The following TOX2 variants were observed in gnomAD, a reference collection of about 807,000 sequenced individuals.
TOX2 encodes the protein granulosa cell HMG box 1.
Under a neutral mutation model 47.4 loss-of-function variants are expected in TOX2, and 15 were observed. The observed-to-expected ratio is 0.32, with a 90% CI of 0.21 to 0.49. The LOEUF (loss-of-function observed/expected upper bound fraction) is 0.49, where lower values mean the gene tolerates loss of function less well. Among genes scored for constraint, TOX2 ranks in the 20% least tolerant of loss-of-function variants. TOX2 has a pLI of 0.99. For synonymous variants in TOX2, 290 were observed against 296.6 expected (o/e 0.98, Z 0.23); for missense variants, 622 against 673.1 (o/e 0.92, Z 0.84).
At chr20:43,959,647 T>TATC (rs1406087728) in intron 1 of TOX2, among the ~76,000 whole-genome samples, 5 of 152,154 alleles carry the variant, frequency 3.3e-5, no homozygotes, top group Non-Finnish European at 7.4e-5. Context: ...GGGGAGAAAA[T>TATC]ATCTTCCACA....
chr20:44,047,993 T>G (rs1600781105), intron 3 of TOX2, among the ~76,000 whole-genome samples: 1 of 151,548 alleles, frequency 6.6e-6, no homozygotes, highest in African/African-American at 2.4e-5. Flanking sequence ...CTGAGACGGG[T>G]GGATCACTTG....
At position 43,967,004 on chromosome 20, in the gene TOX2, G is replaced by A. The variant is rs114509162; in HGVS notation, c.100-6363G>A. ...TTGTGGTGCCTGTGTGTGCCCCTAC[G>A]CTGTGCATACCACATGCACTGTATA... is the stretch of plus-strand genomic sequence containing the variant. On this transcript the variant is annotated intron_variant, in intron 1 of 8. Transcript: ENST00000341197. Among the ~76,000 whole-genome samples the A allele has an allele frequency of 2.2e-3, 334 of 152,220 alleles. 3 individuals carry two copies. Among genetic ancestry groups the A allele is most frequent in the African/African-American group, 7.6e-3 (317 of 41,532 alleles).
chr20:44,066,826 C>G lies in TOX2; in HGVS notation c.1453C>G (p.Pro485Ala), dbSNP rs2071831541. Residue 485 changes from proline (P) to alanine (A), a missense_variant, in exon 8 of 9, where the codon CCC becomes GCC. By Grantham distance (27) the Pro-to-Ala change is conservative. Around this residue, in one of 3 missense-constraint regions of TOX2, gnomAD observed 294 missense variants for 300.0 expected, o/e 0.98. Coordinates refer to ENST00000341197, the MANE Select transcript of TOX2 (RefSeq NM_001098797.2). ...TSSGDWDSSYPSGECGISTCS... is the reference protein window; with the variant it reads ...TSSGDWDSSYASGECGISTCS... ...CAGCGGGGACTGGGACAGCAGCTAC[C>G]CCAGTGGGGAGTGTGGCATCAGCAC... 3.1e-6 allele frequency: 5 copies of G among 1,614,132 alleles called. No homozygotes were observed. The highest frequency in any genetic ancestry group is 1.3e-5 in the African/African-American group (1 of 75,050).
intron 3 of TOX2, among the ~76,000 whole-genome samples, chr20:44,032,188 G>T (rs2071165560): frequency 6.6e-6 from 1 of 152,104 alleles, no homozygotes; most frequent in South Asian, 2.1e-4. Flanking sequence ...GAGGGAGCAG[G>T]GTGAGTATCC....
chr20:43,967,720 C>A (rs972418734), intron 1 of TOX2, among the ~76,000 whole-genome samples: 4 of 152,080 alleles, frequency 2.6e-5, no homozygotes, highest in Non-Finnish European at 5.9e-5. Context: ...CATTAATAAT[C>A]ATTTTATATT....
intron 4 of TOX2, among the ~76,000 whole-genome samples, chr20:44,052,140 C>A (rs2145755380): frequency 6.6e-6 from 1 of 152,310 alleles, no homozygotes; most frequent in African/African-American, 2.4e-5. Context: ...AGAGTATTCA[C>A]TGACCTTGAG....
rs1467112165 is a variant in TOX2 at position 44,066,975 on chromosome 20, G to C, written c.1484+118G>C. Reference sequence around the variant, plus strand: ...GACAGGGGAGGACCCTGCAGTCACTGTCAGCCCTGCTGAGGGGATCGATAT... The same window carrying C: ...GACAGGGGAGGACCCTGCAGTCACTCTCAGCCCTGCTGAGGGGATCGATAT... On this transcript the variant is annotated intron_variant, in intron 8 of 8. Coordinates refer to ENST00000341197, the MANE Select transcript of TOX2 (RefSeq NM_001098797.2). 3 of 1,419,706 alleles carry C rather than the reference G, an allele frequency of 2.1e-6. No homozygotes were observed. In the African/African-American group the frequency reaches 4.3e-5, roughly 20 times the overall value. 87.9% of individuals were successfully genotyped at this position (1,419,706 alleles called of 1,614,324 possible).
intron 3 of TOX2, among the ~76,000 whole-genome samples, chr20:44,040,782 G>A (rs1012690000): frequency 2.6e-5 from 4 of 152,146 alleles, no homozygotes; most frequent in Admixed American, 1.3e-4. Flanking sequence ...CAGGTGAGTC[G>A]CTGGTGGGGG....
At chr20:43,953,631 C>T (rs1292680525) in intron 1 of TOX2, among the ~76,000 whole-genome samples, 1 of 152,096 alleles carries the variant, frequency 6.6e-6, no homozygotes, top group Non-Finnish European at 1.5e-5. Context: ...CTGGCATGCC[C>T]CAGGAGTGGC....
At chr20:44,061,732 C>T (rs1192073820) in intron 5 of TOX2, among the ~76,000 whole-genome samples, 1 of 152,062 alleles carries the variant, frequency 6.6e-6, no homozygotes, top group Non-Finnish European at 1.5e-5. Flanking sequence ...CAAAAATCCT[C>T]AGTACAATAC....
chr20:43,919,690 C>T (rs1194299987), intron 1 of TOX2, among the ~76,000 whole-genome samples: 2 of 152,140 alleles, frequency 1.3e-5, no homozygotes, highest in Non-Finnish European at 2.9e-5. Flanking sequence ...CGGCACTTGA[C>T]AGGCCCCGGT....
At chr20:43,990,952 T>C (rs1404842774) in intron 2 of TOX2, among the ~76,000 whole-genome samples, 1 of 152,238 alleles carries the variant, frequency 6.6e-6, no homozygotes, top group Non-Finnish European at 1.5e-5. Context: ...AAGCTTATTT[T>C]AAGACAGAAA....
At position 44,069,017 on chromosome 20, in the gene TOX2, C is replaced by G. The variant is rs1421025952; in HGVS notation, c.*331C>G. ...CAGCTCCAGCCCCAGCCCAGGTGGG[C>G]CGCCCCTGGCGGGGTCGCTTACCAA... On this transcript the variant is annotated 3_prime_UTR_variant, in exon 9 of 9. Coordinates refer to ENST00000341197, the MANE Select transcript of TOX2 (RefSeq NM_001098797.2). 5 of 465,068 alleles carry G rather than the reference C, an allele frequency of 1.1e-5. No homozygotes were observed. In the Admixed American group the frequency reaches 1.3e-4, roughly 12 times the overall value. The allele number at this position is 465,068 out of a possible 1,614,324, so 28.8% of individuals were successfully genotyped here. A position where few individuals can be genotyped will look rare whatever the true frequency, so the allele number is the denominator to read the frequency against.
chr20:44,040,926 T>C (rs1334765024), intron 3 of TOX2, among the ~76,000 whole-genome samples: 3 of 152,030 alleles, frequency 2.0e-5, no homozygotes, highest in African/African-American at 7.3e-5. Flanking sequence ...AGGAGTGATA[T>C]TGATGAGATG....
In TOX2 at chr20:43,973,964, G is replaced by A. The variant is rs148147620; in HGVS notation, c.165+532G>A. Among the ~76,000 whole-genome samples the A allele has an allele frequency of 6.4e-3, 969 of 152,288 alleles. 6 individuals are homozygous for A. The highest frequency in any genetic ancestry group is 0.027 in the Middle Eastern group (8 of 294). ...AGTCATTCCTGGGCAAGGCTGTCTCGAACCCCAGCCTGGCCCTCTGGGGGG... is the reference window on the plus strand; with the variant it reads ...AGTCATTCCTGGGCAAGGCTGTCTCAAACCCCAGCCTGGCCCTCTGGGGGG... On this transcript the variant is annotated intron_variant, in intron 2 of 8. Transcript: ENST00000341197.
intron 3 of TOX2, among the ~76,000 whole-genome samples, chr20:44,032,511 G>A (rs908103216): frequency 3.0e-4 from 45 of 152,308 alleles, no homozygotes; most frequent in African/African-American, 1.1e-3. Flanking sequence ...GGGTGGATGT[G>A]ATGGAGAGGG....
intron 6 of TOX2, 86 bp from the exon 7 acceptor site, chr20:44,065,626 G>A: frequency 2.7e-6 from 4 of 1,463,052 alleles, no homozygotes; most frequent in Non-Finnish European, 3.7e-6. Context: ...CCGTGTCAGT[G>A]GGTTGCAGAG....
At chr20:44,026,228 G>GAGAT (rs1555842268) in intron 3 of TOX2, among the ~76,000 whole-genome samples, 3 of 60,244 alleles carry the variant, frequency 5.0e-5, no homozygotes, top group African/African-American at 1.9e-4. Flanking sequence ...AAGAAACTGT[G>GAGAT]ATATATATAT....
intron 5 of TOX2, 85 bp downstream of exon 5, chr20:44,054,611 C>A: frequency 7.1e-7 from 1 of 1,404,610 alleles, no homozygotes; most frequent in Non-Finnish European, 9.9e-7. Context: ...TGAAACCAGG[C>A]CCAGCTCTGG....
Sources: gnomAD v4.1 joint callset for allele counts (sites outside exome capture counted in the v4.1 genomes callset) on GRCh38, gnomAD v4.1.1 for gene constraint, gnomAD v4.1.1 regional missense constraint, MANE v1.5 for transcripts, NCBI Gene and HGNC (gene_info 2026-07-23, HGNC 2026-07-21) for gene names.